The following SVOPL variants were observed in gnomAD, a reference collection of about 807,000 sequenced individuals.
SVOPL encodes putative transporter SVOPL.
Under a neutral mutation model 61.0 loss-of-function variants are expected in SVOPL, and 60 were observed. That is an observed-to-expected ratio of 0.98 (90% confidence interval 0.80 to 1.22). SVOPL has a LOEUF of 1.22. Among genes scored for constraint, SVOPL ranks in the 50% most tolerant of loss-of-function variants. The pLI, the probability that SVOPL is intolerant of heterozygous loss-of-function variation, is 0.00. For synonymous variants in SVOPL, 279 were observed against 250.0 expected (o/e 1.12, Z -1.09); for missense variants, 662 against 643.9 (o/e 1.03, Z -0.30).
chr7:138,690,602 A>C (rs1285939939), intron 1 of SVOPL, among the ~76,000 whole-genome samples: 2 of 152,194 alleles, frequency 1.3e-5, no homozygotes, highest in African/African-American at 4.8e-5. Context: ...ATTCACAGAG[A>C]CAGAAATAGA....
chr7:138,678,246 C>T (rs1251869920), intron 3 of SVOPL, among the ~76,000 whole-genome samples, 188 bp downstream of exon 3: 1 of 151,000 alleles, frequency 6.6e-6, no homozygotes, highest in African/African-American at 2.5e-5. Context: ...CAATGTATTT[C>T]TTAAATGTAT....
chr7:138,669,335 G>A (rs971893726), intron 4 of SVOPL, among the ~76,000 whole-genome samples: 24 of 152,246 alleles, frequency 1.6e-4, no homozygotes, highest in African/African-American at 5.5e-4. Context: ...TTGAGCCCAG[G>A]AGTTCAAAGC....
chr7:138,648,007 G>C (rs1801207969), intron 8 of SVOPL, among the ~76,000 whole-genome samples: 1 of 152,166 alleles, frequency 6.6e-6, no homozygotes, highest in Admixed American at 6.5e-5. Flanking sequence ...TAGGGTAGGT[G>C]ACATCAAACT....
intron 14 of SVOPL, among the ~76,000 whole-genome samples, chr7:138,606,160 GA>G (rs1798751219): frequency 1.3e-5 from 2 of 152,144 alleles, no homozygotes; most frequent in Non-Finnish European, 2.9e-5. Flanking sequence ...TCTATTGGAA[GA>G]GATTGATTTT....
At chr7:138,620,350 A>AC (rs1449001897) in intron 14 of SVOPL, among the ~76,000 whole-genome samples, 2 of 142,966 alleles carry the variant, frequency 1.4e-5, no homozygotes, top group Non-Finnish European at 3.0e-5. Flanking sequence ...CAAACTCCTT[A>AC]CCTCAGGTGA....
At chr7:138,660,418 T>G in intron 5 of SVOPL, 1 of 985,750 alleles carries the variant, frequency 1.0e-6, no homozygotes, top group Non-Finnish European at 1.2e-6. Context: ...AAAAAGAAAA[T>G]TAAGAAATTG....
At chr7:138,644,664 GA>G in intron 9 of SVOPL, 52 bp downstream of exon 9, 1 of 1,598,030 alleles carries the variant, frequency 6.3e-7, no homozygotes, top group Non-Finnish European at 8.5e-7. Context: ...CAACTGAGGG[GA>G]TTTCCCAGTG....
At chr7:138,617,681 A>G (rs1474876762) in intron 14 of SVOPL, among the ~76,000 whole-genome samples, 2 of 152,108 alleles carry the variant, frequency 1.3e-5, no homozygotes, top group African/African-American at 4.8e-5. Context: ...CTAAAATTCA[A>G]AAAAATTAGC....
chr7:138,690,530 G>T (rs1336027429), intron 1 of SVOPL, among the ~76,000 whole-genome samples: 1 of 152,206 alleles, frequency 6.6e-6, no homozygotes. Context: ...CTAAGCAAAA[G>T]AAGTCATATA....
chr7:138,635,613 G>C (rs1800433365), intron 9 of SVOPL, among the ~76,000 whole-genome samples: 1 of 152,142 alleles, frequency 6.6e-6, no homozygotes, highest in Non-Finnish European at 1.5e-5. Context: ...CCTGTGGAGA[G>C]AGAAAGGTAA....
intron 9 of SVOPL, among the ~76,000 whole-genome samples, chr7:138,632,575 G>A (rs1403004825): frequency 1.3e-5 from 2 of 152,014 alleles, no homozygotes; most frequent in Admixed American, 6.6e-5. Context: ...GGTGAAGAAT[G>A]GGGGATGGAG....
intron 6 of SVOPL, among the ~76,000 whole-genome samples, chr7:138,658,472 G>C (rs1044690278): frequency 6.6e-6 from 1 of 152,050 alleles, no homozygotes; most frequent in African/African-American, 2.4e-5. Flanking sequence ...GTAGAGCGAG[G>C]GTCTCACTAT....
chr7:138,665,643 G>A (rs1028900947), intron 4 of SVOPL, among the ~76,000 whole-genome samples: 20 of 152,118 alleles, frequency 1.3e-4, no homozygotes, highest in African/African-American at 7.2e-5. Context: ...ACGGTATCAC[G>A]TAATACAATT....
At chr7:138,643,956 C>A (rs1243720278) in intron 9 of SVOPL, among the ~76,000 whole-genome samples, 1 of 151,956 alleles carries the variant, frequency 6.6e-6, no homozygotes, top group Non-Finnish European at 1.5e-5. Context: ...ATAATCCCAG[C>A]ACTTTGGGAG....
At chr7:138,642,872 A>T (rs1800894011) in intron 9 of SVOPL, among the ~76,000 whole-genome samples, 1 of 150,770 alleles carries the variant, frequency 6.6e-6, no homozygotes, top group African/African-American at 2.4e-5. Context: ...ATTTTTAATA[A>T]TAATATATAT....
intron 1 of SVOPL, among the ~76,000 whole-genome samples, chr7:138,691,586 G>A (rs2117141356): frequency 6.6e-6 from 1 of 152,288 alleles, no homozygotes; most frequent in African/African-American, 2.4e-5. Context: ...TGTCACCCAG[G>A]CTGGAGTGCG....
intron 5 of SVOPL, chr7:138,661,511 T>C (rs186449714): frequency 1.5e-4 from 148 of 985,032 alleles, no homozygotes; most frequent in Non-Finnish European, 1.7e-4. Flanking sequence ...CCAGGGTAAT[T>C]GTATTTCATT....
chr7:138,676,941 T>C (rs1222509257), intron 3 of SVOPL, among the ~76,000 whole-genome samples: 11 of 69,992 alleles, frequency 1.6e-4, no homozygotes, highest in African/African-American at 6.9e-4. Context: ...TCTCGCTCTG[T>C]CATCAGGGCT....
intron 13 of SVOPL, among the ~76,000 whole-genome samples, chr7:138,622,286 C>CTGTCTATCTATGTATCTATG (rs1799698283): frequency 8.3e-6 from 1 of 120,898 alleles, no homozygotes; most frequent in Non-Finnish European, 1.8e-5. Flanking sequence ...ATCTATCTAT[C>CTGTCTATCTATGTATCTATG]TATCTATCTA....
Sources: gnomAD v4.1 joint callset for allele counts (sites outside exome capture counted in the v4.1 genomes callset) on GRCh38, gnomAD v4.1.1 for gene constraint, MANE v1.5 for transcripts, NCBI Gene and HGNC (gene_info 2026-07-23, HGNC 2026-07-21) for gene names.